Variants in ARHGEF40 observed in about 807,000 individuals in gnomAD.
ARHGEF40 encodes the protein Rho guanine nucleotide exchange factor 40.
ARHGEF40 carries 98 observed loss-of-function variants against 165.9 expected under a neutral mutation model. The observed-to-expected ratio is 0.59, with a 90% confidence interval of 0.50 to 0.70. The LOEUF (loss-of-function observed/expected upper bound fraction) is 0.70, where lower values mean the gene tolerates loss of function less well. Among genes scored for constraint, ARHGEF40 ranks in the 30% least tolerant of loss-of-function variants. The probability of loss-of-function intolerance (pLI) is 0.00; values close to 1 mark genes in which losing one functional copy is unlikely to be tolerated. For synonymous variants in ARHGEF40, 792 were observed against 814.3 expected (o/e 0.97, Z 0.47); for missense variants, 1,815 against 1,968.0 (o/e 0.92, Z 1.47).
intron 16 of ARHGEF40, 134 bp downstream of exon 16, chr14:21,083,051 C>G (rs1291440581): frequency 2.5e-6 from 2 of 791,532 alleles, no homozygotes; most frequent in South Asian, 3.3e-5. Context: ...CTAGAATTGC[C>G]GAGGGTGGGA....
chr14:21,067,418 C>A (rs142916080), upstream of ARHGEF40, among the ~76,000 whole-genome samples: 365 of 152,256 alleles, frequency 2.4e-3, 2 homozygotes, highest in African/African-American at 8.5e-3. Context: ...TAAAACTCTT[C>A]TTTTATGAAC....
chr14:21,083,036 A>C, intron 16 of ARHGEF40, 119 bp downstream of exon 16: 5 of 841,498 alleles, frequency 5.9e-6, no homozygotes, highest in Non-Finnish European at 9.5e-6. Context: ...CCTACCAATC[A>C]TCTCCTAGAA....
intron 20 of ARHGEF40, 22 bp downstream of exon 20, chr14:21,087,127 G>T (rs945236240): frequency 6.2e-7 from 1 of 1,605,790 alleles, no homozygotes; most frequent in African/African-American, 1.3e-5. Flanking sequence ...GGTGCTGGGG[G>T]GTGGCCCCCA....
chr14:21,062,227 G>T, the ARHGEF40 span, among the ~76,000 whole-genome samples: 1 of 152,214 alleles, frequency 6.6e-6, no homozygotes, highest in Non-Finnish European at 1.5e-5. Flanking sequence ...CTACAAGACC[G>T]ATTCATGTTC....
At chr14:21,061,825 G>C in the ARHGEF40 span, among the ~76,000 whole-genome samples, 2 of 152,218 alleles carry the variant, frequency 1.3e-5, no homozygotes, top group East Asian at 3.9e-4. Context: ...TTTAAAATTA[G>C]TTTTGGATCA....
At chr14:21,085,002 G>A (rs1888228457) in intron 18 of ARHGEF40, 79 bp downstream of exon 18, 5 of 1,538,466 alleles carry the variant, frequency 3.2e-6, no homozygotes, top group Admixed American at 1.9e-5. Flanking sequence ...TGGAAATTCA[G>A]CCCCAACAGA....
upstream of ARHGEF40, among the ~76,000 whole-genome samples, chr14:21,067,727 C>T (rs901506182): frequency 4.0e-5 from 6 of 149,780 alleles, no homozygotes; most frequent in Non-Finnish European, 8.9e-5. Context: ...ACTAAAAACA[C>T]ACGTATCAAC....
At chr14:21,061,387 A>G in the ARHGEF40 span, among the ~76,000 whole-genome samples, 11 of 152,246 alleles carry the variant, frequency 7.2e-5, no homozygotes, top group African/African-American at 2.4e-4. Flanking sequence ...CCTGGGTAGG[A>G]GTTTCTGACT....
At position 21,070,702 on chromosome 14, in the gene ARHGEF40, G is replaced by C; in HGVS notation, c.3+303G>C. On this transcript the variant is annotated intron_variant, in intron 1 of 23. Coordinates refer to ENST00000298694, the MANE Select transcript of ARHGEF40 (RefSeq NM_018071.5). This position sits in a 1 kb window ranked among gnomAD's most constrained non-coding sequence, Gnocchi z 4.7. The stretch of plus-strand genomic sequence containing the variant: ...TCCCCGCCCTCCTCTGTCCTGACCT[G>C]TGCCTTCCTTTCCTGGAGCTTCCCT... 2 of 1,137,368 alleles carry C rather than the reference G, an allele frequency of 1.8e-6. No homozygotes were observed. Among genetic ancestry groups the C allele is most frequent in the East Asian group, 2.6e-5 (1 of 38,832 alleles). 70.5% of individuals were successfully genotyped at this position (1,137,368 alleles called of 1,614,324 possible).
upstream of ARHGEF40, among the ~76,000 whole-genome samples, chr14:21,069,914 A>G (rs1228016481): frequency 6.6e-6 from 1 of 152,174 alleles, no homozygotes; most frequent in Non-Finnish European, 1.5e-5. Context: ...GGGGCGGCCC[A>G]AGGGAATTCA....
At chr14:21,062,373 G>A in the ARHGEF40 span, among the ~76,000 whole-genome samples, 94,953 of 152,008 alleles carry the variant, frequency 0.62, 29,870 homozygotes, top group Admixed American at 0.65. Context: ...GCGACTGGCA[G>A]TGGAGCCCTC....
chr14:21,087,906 T>C lies in ARHGEF40; in HGVS notation c.4388-62T>C, dbSNP rs1888486692. On this transcript the variant is annotated intron_variant, in intron 21 of 23. Transcript: ENST00000298694. ...CTTTTTCTTCCCTGATGGAGCAGCTTGGTTGCTTAAGGTAATCTGGAGGGA... is the reference window on the plus strand; with the variant it reads ...CTTTTTCTTCCCTGATGGAGCAGCTCGGTTGCTTAAGGTAATCTGGAGGGA... The C allele has an allele frequency of 2.5e-6, 4 of 1,608,156 alleles. No homozygotes were observed. The East Asian group carries it at 8.9e-5, about 36-fold the overall frequency.
intron 16 of ARHGEF40, 105 bp from the exon 17 acceptor site, chr14:21,083,730 C>A: frequency 9.6e-7 from 1 of 1,040,856 alleles, no homozygotes; most frequent in Non-Finnish European, 1.4e-6. Context: ...TGGGCTTCAT[C>A]TATACCCAAA....
chr14:21,078,998 G>A lies in ARHGEF40; in HGVS notation c.2361G>A (p.Arg787=). ...VQQQEQRQCL[R]RLQQVLQWLS... The stretch of plus-strand genomic sequence containing the variant: ...AGCAAGAGCAGCGGCAGTGCCTGCG[G>A]CGACTCCAGCAGGTGAGCCAGGATC... Residue 787 remains arginine, a synonymous_variant, in exon 11 of 24, where the codon CGG becomes CGA. Coordinates refer to ENST00000298694, the MANE Select transcript of ARHGEF40 (RefSeq NM_018071.5). 1 of 1,613,256 alleles carries A rather than the reference G, an allele frequency of 6.2e-7. No homozygotes were observed. Among genetic ancestry groups the A allele is most frequent in the Non-Finnish European group, 8.5e-7 (1 of 1,179,610 alleles).
Position 21,074,358 on chromosome 14 carries a change from C to T in ARHGEF40, c.628C>T (p.Pro210Ser). Residue 210 changes from proline (P) to serine (S), a missense_variant, in exon 3 of 24, where the codon CCA becomes TCA. By Grantham distance (74) the Pro-to-Ser change is moderately conservative. Transcript: ENST00000298694. The surrounding 1 kb of genome is among the most constrained non-coding windows in gnomAD (Gnocchi z 4.8). Reference sequence around the variant, plus strand: ...GCCCCCAGAACTGCCCTCTGGACCTCCAGGGCTTCCCAGCCCTCCACTTCC... The same window carrying T: ...GCCCCCAGAACTGCCCTCTGGACCTTCAGGGCTTCCCAGCCCTCCACTTCC... ...TLPPELPSGP[P>S]GLPSPPLPEE... 6.2e-7 allele frequency: 1 copy of T among 1,613,586 alleles called. No individual in the cohort carries two copies. The highest frequency in any genetic ancestry group is 1.7e-4 in the Middle Eastern group (1 of 5,970).
chr14:21,083,333 A>C (rs1017335421), intron 16 of ARHGEF40, among the ~76,000 whole-genome samples: 2 of 151,664 alleles, frequency 1.3e-5, no homozygotes, highest in Admixed American at 6.6e-5. Context: ...CGAGGTCAGG[A>C]GATTGAGACT....
At position 21,070,529 on chromosome 14, in the gene ARHGEF40, T is replaced by C; in HGVS notation, c.3+130T>C. 1 of 1,119,546 alleles carries C rather than the reference T, an allele frequency of 8.9e-7. No individual in the cohort carries two copies. Among genetic ancestry groups the C allele is most frequent in the South Asian group, 2.0e-5 (1 of 50,836 alleles). The allele number at this position is 1,119,546 out of a possible 1,614,324, so 69.4% of individuals were successfully genotyped here. ...TCGGCCCCTCTGGGACTCTCCTCCC[T>C]CCCATCCCCCCTTCTTCGATTTGTC... On this transcript the variant is annotated intron_variant, in intron 1 of 23. Transcript: ENST00000298694. The surrounding 1 kb of genome is among the most constrained non-coding windows in gnomAD (Gnocchi z 4.7).
intron 10 of ARHGEF40, 100 bp from the exon 11 acceptor site, chr14:21,078,784 C>T (rs1887639322): frequency 2.0e-6 from 3 of 1,498,190 alleles, no homozygotes; most frequent in Non-Finnish European, 2.7e-6. Context: ...ATCCATGCTG[C>T]TATGCAACCT....
intron 13 of ARHGEF40, 46 bp downstream of exon 13, chr14:21,081,062 T>A (rs1416890812): frequency 1.9e-6 from 3 of 1,575,378 alleles, no homozygotes; most frequent in Middle Eastern, 1.7e-4. Flanking sequence ...TTTCCATTTA[T>A]TCACTTCCTT....
Sources: gnomAD v4.1 joint callset for allele counts (sites outside exome capture counted in the v4.1 genomes callset) on GRCh38, gnomAD v4.1.1 for gene constraint, Gnocchi (gnomAD v3.1) non-coding constraint, MANE v1.5 for transcripts, NCBI Gene and HGNC (gene_info 2026-07-23, HGNC 2026-07-21) for gene names.